Variants in LRIT2 observed in about 807,000 individuals in gnomAD.
LRIT2 encodes the protein leucine rich repeat, Ig-like and transmembrane domains 2.
LRIT2 carries 23 observed loss-of-function variants against 22.4 expected under a neutral mutation model. That is an observed-to-expected ratio of 1.03 (90% CI 0.74 to 1.45). The LOEUF (loss-of-function observed/expected upper bound fraction) is 1.45. LRIT2 is among the 40% of genes most tolerant of loss of function. LRIT2 has a pLI of 0.00. For missense variants in LRIT2, 784 were observed against 665.6 expected, an observed-to-expected ratio of 1.18 and a Z score of -1.96; for synonymous variants, 291 against 267.1, an observed-to-expected ratio of 1.09 and a Z score of -0.87.
Position 84,221,959 on chromosome 10 carries a change from C to T in LRIT2, c.1614G>A (p.Glu538=). ...CDDGEGHIDT[E]GDKEKGGTED... is the part of the protein sequence containing the mutation. ...CCGTTCCTCCTTTCTCCTTGTCCCCCTCAGTGTCTATGTGCCCTTCACCGT... is the reference window on the plus strand; with the variant it reads ...CCGTTCCTCCTTTCTCCTTGTCCCCTTCAGTGTCTATGTGCCCTTCACCGT... The change falls in exon 3 of 3, where the codon GAG becomes GAA. Residue 538 remains glutamate (E), a synonymous_variant. Transcript: ENST00000372113. 1 of 1,547,518 alleles carries T rather than the reference C, an allele frequency of 6.5e-7. No homozygotes were observed. Among genetic ancestry groups the T allele is most frequent in the Non-Finnish European group, 8.7e-7 (1 of 1,145,424 alleles).
rs1381643530 is a variant in LRIT2 at position 84,224,764 on chromosome 10, G to A, written c.461C>T (p.Thr154Ile). The change falls in exon 2 of 3, where the codon ACC (threonine) becomes ATC (isoleucine). Residue 154 changes from threonine to isoleucine, a missense_variant. Transcript: ENST00000372113. ...ELALQFLVSL[T>I]YLDLSSNRLT... ...CCTATTGGAGGATAGGTCAAGGTAGGTCAGGCTGACCAAGAATTGAAGAGC... is the reference window on the plus strand; with the variant it reads ...CCTATTGGAGGATAGGTCAAGGTAGATCAGGCTGACCAAGAATTGAAGAGC... 6.2e-7 allele frequency: 1 copy of A among 1,614,172 alleles called. No homozygotes were observed.
Position 84,222,646 on chromosome 10 carries a change from C to T in LRIT2, c.927G>A (p.Leu309=), listed in dbSNP as rs1375934246. 1 of 1,614,066 alleles carries T rather than the reference C, an allele frequency of 6.2e-7. No homozygotes were observed. The highest frequency in any genetic ancestry group is 8.5e-7 in the Non-Finnish European group (1 of 1,179,998). Residue 309 remains leucine, a synonymous_variant, in exon 3 of 3, where the codon CTG becomes CTA. Coordinates refer to ENST00000372113, the MANE Select transcript of LRIT2 (RefSeq NM_001017924.5). Reference sequence around the variant, plus strand: ...GGGCAGCAGGTATGGCCAGCTCTGACAGAGCAGTGTCTTCTCCAGTAGAAG... The same window carrying T: ...GGGCAGCAGGTATGGCCAGCTCTGATAGAGCAGTGTCTTCTCCAGTAGAAG... ...LTSSTGEDTA[L]SELAIPAAHL...
rs546746743 is a variant in LRIT2 at position 84,222,754 on chromosome 10, T to A, written c.893-74A>T. Reference sequence around the variant, plus strand: ...CTGGAAAGTGTCTAGCAATGCCAGTTTTGTTTTGTTTTGCTTTGTTTTTTG... The same window carrying A: ...CTGGAAAGTGTCTAGCAATGCCAGTATTGTTTTGTTTTGCTTTGTTTTTTG... On this transcript the variant is annotated intron_variant, in intron 2 of 2. Coordinates refer to ENST00000372113, the MANE Select transcript of LRIT2 (RefSeq NM_001017924.5). 2.0e-6 allele frequency: 3 copies of A among 1,537,948 alleles called. No individual in the cohort carries two copies. In the East Asian group the frequency reaches 6.9e-5, roughly 36 times the overall value.
rs199853938 is a variant in LRIT2, at chr10:84,225,466, C to T, written c.55G>A (p.Ala19Thr). ...LLVLVFLDTHAAQPFCLPGCT... is the reference protein window; with the variant it reads ...LLVLVFLDTHTAQPFCLPGCT... ...CCTGGCAGACAGAAAGGCTGAGCTG[C>T]GTGTGTATCCAGAAAGACCAGAACT... is the stretch of plus-strand genomic sequence containing the variant. Residue 19 changes from alanine (A) to threonine (T), a missense_variant, in exon 1 of 3, where the codon GCA (alanine) becomes ACA (threonine). Coordinates refer to ENST00000372113, the MANE Select transcript of LRIT2 (RefSeq NM_001017924.5). 8.0e-5 allele frequency: 129 copies of T among 1,614,120 alleles called. 2 individuals carry two copies. Among genetic ancestry groups the T allele is most frequent in the South Asian group, 7.2e-4 (66 of 91,074 alleles).
At position 84,225,457 on chromosome 10, in the gene LRIT2, G is replaced by T. The variant is rs201290389; in HGVS notation, c.64C>A (p.Pro22Thr). The T allele has an allele frequency of 4.3e-6, 7 of 1,614,080 alleles. No homozygotes were observed. The highest frequency in any genetic ancestry group is 3.3e-5 in the Admixed American group (2 of 60,006). The part of the protein sequence containing the change: ...LVFLDTHAAQ[P>T]FCLPGCTCSE... ...CAAGTGCATCCTGGCAGACAGAAAGGCTGAGCTGCGTGTGTATCCAGAAAG... is the reference window on the plus strand; with the variant it reads ...CAAGTGCATCCTGGCAGACAGAAAGTCTGAGCTGCGTGTGTATCCAGAAAG... Residue 22 changes from proline to threonine, a missense_variant, in exon 1 of 3, where the codon CCT (proline) becomes ACT (threonine). Pro to Thr is a conservative substitution (Grantham distance 38). Transcript: ENST00000372113.
In LRIT2 at chr10:84,225,225, T is replaced by C. The variant is rs527659341; in HGVS notation, c.111-111A>G. The C allele has an allele frequency of 3.3e-5, 41 of 1,246,858 alleles. No homozygotes were observed. The East Asian group carries it at 1.0e-3, about 30-fold the overall frequency. The allele number at this position is 1,246,858 out of a possible 1,614,324, so 77.2% of individuals were successfully genotyped here. A position where few individuals can be genotyped will look rare whatever the true frequency, so the allele number is the denominator to read the frequency against. On this transcript the variant is annotated intron_variant, in intron 1 of 2. Transcript: ENST00000372113. Reference sequence around the variant, plus strand: ...ATCAGAATAAAAATATTATTATTCATTGAAATAAAAGAGTTAGACTCATTT... The same window carrying C: ...ATCAGAATAAAAATATTATTATTCACTGAAATAAAAGAGTTAGACTCATTT...
chr10:84,222,468 GC>G lies in LRIT2; in HGVS notation c.1104del (p.Arg369GlyfsTer67). ...CCATGCACTGTCTGCTTGACAACCC[GC>G]AGGTCAATGTAGGCATTGCCCTCCG... Reference protein sequence around the residue: ...IPSEGNAYIDLRVVKQTVHGI... With the variant: ...IPSEGNAYIDXRVVKQTVHGI... On this transcript the variant is annotated frameshift_variant, in exon 3 of 3. Transcript: ENST00000372113. LOFTEE classifies it low-confidence loss of function (END_TRUNC). The G allele has an allele frequency of 6.2e-7, 1 of 1,614,022 alleles. No individual in the cohort carries two copies. The highest frequency in any genetic ancestry group is 8.5e-7 in the Non-Finnish European group (1 of 1,180,036).
At chr10:84,225,357 C>T (rs573553361) in intron 1 of LRIT2, 54 bp downstream of exon 1, 1 of 1,573,532 alleles carries the variant, frequency 6.4e-7, no homozygotes, top group South Asian at 1.2e-5. Flanking sequence ...CCACATCATC[C>T]CCAAAGAAAA....
chr10:84,224,608 C>G lies in LRIT2; in HGVS notation c.617G>C (p.Cys206Ser). ...AAACTGGACAAGCCCCCTTAGGCGA[C>G]AGTCACATACCCAGGGGTTGTCATG... is the stretch of plus-strand genomic sequence containing the variant. ...ALHDNPWVCD[C>S]RLRGLVQFVK... Residue 206 changes from cysteine (C) to serine (S), a missense_variant, in exon 2 of 3, where the codon TGT becomes TCT. Transcript: ENST00000372113. The G allele has an allele frequency of 6.2e-7, 1 of 1,613,656 alleles. No homozygotes were observed. The highest frequency in any genetic ancestry group is 2.2e-5 in the East Asian group (1 of 44,880).
At position 84,220,896 on chromosome 10, in the gene LRIT2, T is replaced by A. The variant is rs1842496429; in HGVS notation, c.*1024A>T. On this transcript the variant is annotated 3_prime_UTR_variant, in exon 3 of 3. Coordinates refer to ENST00000372113, the MANE Select transcript of LRIT2 (RefSeq NM_001017924.5). ...TTCATGTTTACACTCTTAGAAAGGT[T>A]TGCATGTGGCCAGTGAGGGAAACGG... 1 of 152,212 alleles carries A rather than the reference T, an allele frequency of 6.6e-6. No individual in the cohort carries two copies. Among genetic ancestry groups the A allele is most frequent in the Non-Finnish European group, 1.5e-5 (1 of 68,054 alleles). The allele number at this position is 152,212 out of a possible 1,614,324, so 9.4% of individuals were successfully genotyped here.
In LRIT2 at chr10:84,224,455, G is replaced by T. The variant is rs1589317356; in HGVS notation, c.770C>A (p.Thr257Asn). 2 of 1,614,264 alleles carry T rather than the reference G, an allele frequency of 1.2e-6. No homozygotes were observed. Among genetic ancestry groups the T allele is most frequent in the Non-Finnish European group, 1.7e-6 (2 of 1,180,052 alleles). The change falls in exon 2 of 3, where the codon ACC (threonine) becomes AAC (asparagine). Residue 257 changes from threonine (T) to asparagine (N), a missense_variant. Transcript: ENST00000372113. ...LSACMKPQIS[T>N]PSANITIRAG... ...CCGGATGGTGATATTGGCACTGGGG[G>T]TTGAGATCTGTGGCTTCATGCAAGC...
chr10:84,221,862 G>C lies in LRIT2; in HGVS notation c.*58C>G. The C allele has an allele frequency of 6.8e-7, 1 of 1,477,486 alleles. No homozygotes were observed. The highest frequency in any genetic ancestry group is 9.1e-7 in the Non-Finnish European group (1 of 1,103,164). 91.5% of individuals were successfully genotyped at this position (1,477,486 alleles called of 1,614,324 possible). ...TGGATAAATGGATGGAGCTGCTGCA[G>C]AGGGTTGGTTTCAGAGGCTTGAAGC... On this transcript the variant is annotated 3_prime_UTR_variant, in exon 3 of 3. Transcript: ENST00000372113.
At position 84,224,423 on chromosome 10, in the gene LRIT2, G is replaced by C. The variant is rs144004898; in HGVS notation, c.802C>G (p.Gln268Glu). 1.2e-6 allele frequency: 2 copies of C among 1,614,242 alleles called. No individual in the cohort carries two copies. Among genetic ancestry groups the C allele is most frequent in the Admixed American group, 1.7e-5 (1 of 60,034 alleles). The part of the protein sequence containing the change: ...PSANITIRAG[Q>E]NVTLRCLAQA... ...GCCAAGCATCGCAGGGTCACATTCTGTCCTGCCCGGATGGTGATATTGGCA... is the reference window on the plus strand; with the variant it reads ...GCCAAGCATCGCAGGGTCACATTCTCTCCTGCCCGGATGGTGATATTGGCA... The change falls in exon 2 of 3, where the codon CAG becomes GAG. Residue 268 changes from glutamine (Q) to glutamate (E), a missense_variant. Physicochemically the swap from Gln to Glu is conservative, Grantham distance 29. Transcript: ENST00000372113.
At position 84,222,544 on chromosome 10, in the gene LRIT2, A is replaced by G. The variant is rs762579844; in HGVS notation, c.1029T>C (p.His343=). The part of the protein sequence containing the change: ...IGKSNLVISL[H]VQPAQALHAP... ...CATGTAGGGCCTGGGCAGGCTGGACATGGAGAGAGATTACAAGGTTGCTCT... is the reference window on the plus strand; with the variant it reads ...CATGTAGGGCCTGGGCAGGCTGGACGTGGAGAGAGATTACAAGGTTGCTCT... Residue 343 remains histidine (H), a synonymous_variant, in exon 3 of 3, where the codon CAT becomes CAC. Transcript: ENST00000372113. 5.0e-6 allele frequency: 8 copies of G among 1,613,934 alleles called. No homozygotes were observed. The African/African-American group carries it at 6.7e-5, about 13-fold the overall frequency.
chr10:84,222,820 C>A, intron 2 of LRIT2, 140 bp from the exon 3 acceptor site: 1 of 941,542 alleles, frequency 1.1e-6, no homozygotes, highest in Admixed American at 2.0e-5. Context: ...CTCTTATGAA[C>A]CTCGTACCTG....
chr10:84,225,371 A>G (rs371683886), intron 1 of LRIT2, 40 bp downstream of exon 1: 5 of 1,592,184 alleles, frequency 3.1e-6, no homozygotes, highest in Non-Finnish European at 4.3e-6. Flanking sequence ...AAGAAAACCC[A>G]TTCCCCATAA....
In LRIT2 at chr10:84,222,650, G is replaced by A; in HGVS notation, c.923C>T (p.Ala308Val). 6.2e-7 allele frequency: 1 copy of A among 1,614,128 alleles called. No homozygotes were observed. Among genetic ancestry groups the A allele is most frequent in the Non-Finnish European group, 8.5e-7 (1 of 1,180,006 alleles). Reference sequence around the variant, plus strand: ...AGCAGGTATGGCCAGCTCTGACAGAGCAGTGTCTTCTCCAGTAGAAGATGT... The same window carrying A: ...AGCAGGTATGGCCAGCTCTGACAGAACAGTGTCTTCTCCAGTAGAAGATGT... ...VLTSSTGEDT[A>V]LSELAIPAAH... Residue 308 changes from alanine (A) to valine (V), a missense_variant, in exon 3 of 3, where the codon GCT (alanine) becomes GTT (valine). Physicochemically the swap from Ala to Val is moderately conservative, Grantham distance 64. Coordinates refer to ENST00000372113, the MANE Select transcript of LRIT2 (RefSeq NM_001017924.5).
chr10:84,222,689 A>G lies in LRIT2; in HGVS notation c.893-9T>C. On this transcript the variant is annotated splice_polypyrimidine_tract_variant and intron_variant, in intron 2 of 2. Transcript: ENST00000372113. The stretch of plus-strand genomic sequence containing the variant: ...AGTAGAAGATGTCAACACTGGGTGG[A>G]AAGAAAAACAAAACAGCTGTGCATT... The G allele has an allele frequency of 6.2e-7, 1 of 1,612,222 alleles. No homozygotes were observed. Among genetic ancestry groups the G allele is most frequent in the East Asian group, 2.2e-5 (1 of 44,830 alleles).
rs755257051 is a variant in LRIT2 at position 84,224,599 on chromosome 10, C to G, written c.626G>C (p.Arg209Thr). ...GGACTTGACAAACTGGACAAGCCCCCTTAGGCGACAGTCACATACCCAGGG... is the reference window on the plus strand; with the variant it reads ...GGACTTGACAAACTGGACAAGCCCCGTTAGGCGACAGTCACATACCCAGGG... ...DNPWVCDCRLRGLVQFVKSIT... is the reference protein window; with the variant it reads ...DNPWVCDCRLTGLVQFVKSIT... The change falls in exon 2 of 3, where the codon AGG becomes ACG. Residue 209 changes from arginine (R) to threonine (T), a missense_variant. By Grantham distance (71) the Arg-to-Thr change is moderately conservative. Coordinates refer to ENST00000372113, the MANE Select transcript of LRIT2 (RefSeq NM_001017924.5). 5.6e-6 allele frequency: 9 copies of G among 1,613,746 alleles called. No homozygotes were observed. In the South Asian group the frequency reaches 8.8e-5, roughly 16 times the overall value.
Sources: gnomAD v4.1 joint callset for allele counts on GRCh38, gnomAD v4.1.1 for gene constraint, MANE v1.5 for transcripts, NCBI Gene and HGNC (gene_info 2026-07-23, HGNC 2026-07-21) for gene names.